The following GTF2H5 variants were observed in gnomAD, a reference collection of about 807,000 sequenced individuals.
GTF2H5 encodes general transcription factor IIH subunit 5, also known as TFB5 ortholog.
GTF2H5 carries 5 observed loss-of-function variants against 7.1 expected under a neutral mutation model. That is an observed-to-expected ratio of 0.71 (90% CI 0.37 to 1.49). The LOEUF (loss-of-function observed/expected upper bound fraction) is 1.49, where lower values mean the gene tolerates loss of function less well. Among genes scored for constraint, GTF2H5 ranks in the 40% most tolerant of loss-of-function variants. GTF2H5 has a pLI of 0.03. For synonymous variants in GTF2H5, 30 were observed against 31.7 expected (o/e 0.95, Z 0.18); for missense variants, 80 against 83.0 (o/e 0.96, Z 0.14).
intron 2 of GTF2H5, 59 bp downstream of exon 2, chr6:158,170,597 G>A: frequency 8.5e-7 from 1 of 1,177,778 alleles, no homozygotes; most frequent in Non-Finnish European, 1.3e-6. Flanking sequence ...TGACTTGTAT[G>A]TATGTCTTTT....
At position 158,194,700 on chromosome 6, in the gene GTF2H5, G is replaced by C. The variant is rs977613311; in HGVS notation, c.*2543G>C. ...GTGGGTAAGGAGTCCTTGATGTCCT[G>C]TAAATGAAGGAACCAAATGGAGTTC... On this transcript the variant is annotated 3_prime_UTR_variant, in exon 3 of 3. Transcript: ENST00000607778. 2.6e-5 allele frequency: 4 copies of C among 152,182 alleles called. No homozygotes were observed. The allele number at this position is 152,182 out of a possible 1,614,324, so 9.4% of individuals were successfully genotyped here.
chr6:158,189,568 C>T, intron 2 of GTF2H5, among the ~76,000 whole-genome samples: 1 of 152,142 alleles, frequency 6.6e-6, no homozygotes, highest in East Asian at 1.9e-4. Context: ...TCATTTCAGG[C>T]ATCTGACTCT....
At chr6:158,177,512 A>C (rs1281936030) in intron 2 of GTF2H5, among the ~76,000 whole-genome samples, 1 of 152,212 alleles carries the variant, frequency 6.6e-6, no homozygotes, top group Non-Finnish European at 1.5e-5. Flanking sequence ...ATCAGGGATA[A>C]GGTATGCAGG....
At chr6:158,179,935 TC>T (rs1254227807) in intron 2 of GTF2H5, among the ~76,000 whole-genome samples, 1 of 152,162 alleles carries the variant, frequency 6.6e-6, no homozygotes, top group African/African-American at 2.4e-5. Flanking sequence ...AGGGAATGCT[TC>T]CAGTTTTTGC....
At chr6:158,186,529 C>G (rs974887281) in intron 2 of GTF2H5, among the ~76,000 whole-genome samples, 1 of 152,182 alleles carries the variant, frequency 6.6e-6, no homozygotes, top group Non-Finnish European at 1.5e-5. Context: ...AAAGGGCTAA[C>G]ACAAAACAAC....
In GTF2H5 at chr6:158,198,414, G is replaced by A. The variant is rs950608085; in HGVS notation, c.*6257G>A. 2 of 152,208 alleles carry A rather than the reference G, an allele frequency of 1.3e-5. No individual in the cohort carries two copies. The highest frequency in any genetic ancestry group is 4.8e-5 in the African/African-American group (2 of 41,454). 9.4% of individuals were successfully genotyped at this position (152,208 alleles called of 1,614,324 possible). A position where few individuals can be genotyped will look rare whatever the true frequency, so the allele number is the denominator to read the frequency against. On this transcript the variant is annotated 3_prime_UTR_variant, in exon 3 of 3. Coordinates refer to ENST00000607778, the MANE Select transcript of GTF2H5 (RefSeq NM_207118.3). ...TTTTCACTGTCCTCAGACATTTACT[G>A]AGTCCAGTTTGGACTTTATTTTATT...
intron 2 of GTF2H5, among the ~76,000 whole-genome samples, chr6:158,174,986 C>G (rs1299114539): frequency 7.9e-6 from 1 of 127,270 alleles, no homozygotes; most frequent in African/African-American, 2.9e-5. Flanking sequence ...TGAAGTTTTC[C>G]AGGCACCCAA....
intron 2 of GTF2H5, among the ~76,000 whole-genome samples, chr6:158,179,822 C>G (rs191908317): frequency 2.3e-4 from 35 of 152,186 alleles, no homozygotes; most frequent in South Asian, 4.1e-4. Flanking sequence ...ATCTGAATAC[C>G]CTTTATTGCT....
rs1198345446 is a variant in GTF2H5, at chr6:158,169,679, ATATATAATATATAT to A, written c.-34-778_-34-765del. ...CATATAATATATTGTATATTATATA[ATATATAATATATAT>A]TATATAATATATTGTATATTATATA... On this transcript the variant is annotated intron_variant, in intron 1 of 2. Coordinates refer to ENST00000607778, the MANE Select transcript of GTF2H5 (RefSeq NM_207118.3). 4.5e-4 allele frequency among the ~76,000 whole-genome samples: 18 copies of A among 39,872 alleles called. 1 individual carries two copies. Among genetic ancestry groups the A allele is most frequent in the Admixed American group, 3.6e-3 (6 of 1,656 alleles). The allele number at this position is 39,872 out of a possible 152,430, so 26.2% of individuals were successfully genotyped here. A position where few individuals can be genotyped will look rare whatever the true frequency, so the allele number is the denominator to read the frequency against.
In GTF2H5 at chr6:158,192,096, T is replaced by C; in HGVS notation, c.155T>C (p.Val52Ala). ...TTTGTAATAGCAGAATTGGTTAATGTCCTCCAGGAGCGAGTGGGTGAATTA... is the reference window on the plus strand; with the variant it reads ...TTTGTAATAGCAGAATTGGTTAATGCCCTCCAGGAGCGAGTGGGTGAATTA... ...HVFVIAELVN[V>A]LQERVGELMD... The change falls in exon 3 of 3, where the codon GTC (valine) becomes GCC (alanine). Residue 52 changes from valine (V) to alanine (A), a missense_variant. By Grantham distance (64) the Val-to-Ala change is moderately conservative. Coordinates refer to ENST00000607778, the MANE Select transcript of GTF2H5 (RefSeq NM_207118.3). 6.2e-7 allele frequency: 1 copy of C among 1,613,980 alleles called. No homozygotes were observed. The highest frequency in any genetic ancestry group is 8.5e-7 in the Non-Finnish European group (1 of 1,179,922).
chr6:158,169,027 A>T (rs867724270), intron 1 of GTF2H5, among the ~76,000 whole-genome samples: 98 of 151,930 alleles, frequency 6.5e-4, no homozygotes, highest in Admixed American at 6.6e-4. Context: ...TGAGATCAGG[A>T]GTTCGAGACC....
In GTF2H5 at chr6:158,195,570, G is replaced by A. The variant is rs1193075049; in HGVS notation, c.*3413G>A. On this transcript the variant is annotated 3_prime_UTR_variant, in exon 3 of 3. Transcript: ENST00000607778. Reference sequence around the variant, plus strand: ...ACACTACTGCATTTTATTTCTGATAGGCATTATAGGTGGTAATCCAAATGA... The same window carrying A: ...ACACTACTGCATTTTATTTCTGATAAGCATTATAGGTGGTAATCCAAATGA... 1 of 152,154 alleles carries A rather than the reference G, an allele frequency of 6.6e-6. No individual in the cohort carries two copies. The highest frequency in any genetic ancestry group is 1.5e-5 in the Non-Finnish European group (1 of 68,038). 9.4% of individuals were successfully genotyped at this position (152,154 alleles called of 1,614,324 possible).
At chr6:158,169,639 A>ATAATGTATAT (rs1554267066) in intron 1 of GTF2H5, among the ~76,000 whole-genome samples, 1 of 47,286 alleles carries the variant, frequency 2.1e-5, no homozygotes, top group African/African-American at 1.7e-4. Flanking sequence ...TGTATATTAC[A>ATAATGTATAT]TATATTGTAT....
At chr6:158,169,692 A>G (rs1262730653) in intron 1 of GTF2H5, among the ~76,000 whole-genome samples, 1 of 66,590 alleles carries the variant, frequency 1.5e-5, no homozygotes, top group Non-Finnish European at 2.5e-5. Context: ...TATAATATAT[A>G]TTATATAATA....
chr6:158,169,679 A>ATATATTGTATATTG (rs1562469114), intron 1 of GTF2H5, among the ~76,000 whole-genome samples: 1 of 39,904 alleles, frequency 2.5e-5, no homozygotes, highest in African/African-American at 1.6e-4. Flanking sequence ...ATATTATATA[A>ATATATTGTATATTG]TATATAATAT....
chr6:158,191,750 G>A (rs1029900136), intron 2 of GTF2H5, among the ~76,000 whole-genome samples: 4 of 152,142 alleles, frequency 2.6e-5, no homozygotes, highest in Admixed American at 6.5e-5. Flanking sequence ...CCAAAGTGCT[G>A]GGATCACAGG....
chr6:158,190,588 C>T (rs564888020), intron 2 of GTF2H5: 115 of 425,966 alleles, frequency 2.7e-4, no homozygotes, highest in Middle Eastern at 6.9e-4. Context: ...CCCAAAGTCC[C>T]CCAAATCAGT....
At chr6:158,169,450 A>AT (rs1785735797) in intron 1 of GTF2H5, among the ~76,000 whole-genome samples, 6 of 74,392 alleles carry the variant, frequency 8.1e-5, no homozygotes, top group Non-Finnish European at 1.1e-4. Flanking sequence ...TATATATTAT[A>AT]TATTATATAT....
At chr6:158,179,375 C>T (rs1785975371) in intron 2 of GTF2H5, among the ~76,000 whole-genome samples, 1 of 152,118 alleles carries the variant, frequency 6.6e-6, no homozygotes, top group South Asian at 2.1e-4. Flanking sequence ...TTTTCCAATT[C>T]TGTGAAGAAA....
Sources: allele counts gnomAD v4.1 joint callset (sites outside exome capture counted in the v4.1 genomes callset), GRCh38; gene constraint gnomAD v4.1.1; transcripts MANE v1.5; gene names NCBI Gene and HGNC (gene_info 2026-07-23, HGNC 2026-07-21).